The following GALNT13 variants were observed in gnomAD, a reference collection of about 807,000 sequenced individuals.
GALNT13 encodes UDP-GalNAc:polypeptide N-acetylgalactosaminyltransferase 13.
GALNT13 carries 28 observed loss-of-function variants against 64.2 expected under a neutral mutation model. The observed-to-expected ratio is 0.44, with a 90% confidence interval of 0.32 to 0.60. GALNT13 has a LOEUF of 0.60. GALNT13 is among the 20% of genes least tolerant of loss of function. The pLI is 0.05. For synonymous variants in GALNT13, 214 were observed against 224.6 expected, an observed-to-expected ratio of 0.95 and a Z score of 0.42; for missense variants, 577 against 669.8, an observed-to-expected ratio of 0.86 and a Z score of 1.53.
chr2:153,083,604 C>T, the GALNT13 span, among the ~76,000 whole-genome samples: 1 of 151,392 alleles, frequency 6.6e-6, no homozygotes, highest in Non-Finnish European at 1.5e-5. Flanking sequence ...TTTCATGCTG[C>T]TTTGTTTGAG....
chr2:154,411,444 A>C (rs1036027617), intron 11 of GALNT13, among the ~76,000 whole-genome samples: 1 of 151,742 alleles, frequency 6.6e-6, no homozygotes, highest in East Asian at 1.9e-4. Flanking sequence ...TAAATAAAGC[A>C]TGGTATACGC....
At chr2:153,266,813 C>A in the GALNT13 span, among the ~76,000 whole-genome samples, 1 of 152,306 alleles carries the variant, frequency 6.6e-6, no homozygotes, top group African/African-American at 2.4e-5. Context: ...CCAAATCTCA[C>A]ATCATTTTTA....
chr2:154,089,450 G>C (rs1014234852), intron 3 of GALNT13, among the ~76,000 whole-genome samples: 1 of 152,022 alleles, frequency 6.6e-6, no homozygotes, highest in Admixed American at 6.6e-5. Context: ...CTGGAGTAGA[G>C]CTTTCACCAT....
rs766669445 is a variant in GALNT13 at position 154,444,763 on chromosome 2, T to A, written c.1531-5648T>A. Among the ~76,000 whole-genome samples, 14 of 152,190 alleles carry A rather than the reference T, an allele frequency of 9.2e-5. No individual in the cohort carries two copies. In the South Asian group the frequency reaches 1.0e-3, roughly 11 times the overall value. ...TGAATATCAATATATTGATCAAATA[T>A]CTCTGAAATACAATATATTTTTGTT... On this transcript the variant is annotated intron_variant, in intron 12 of 12. Coordinates refer to ENST00000392825, the MANE Select transcript of GALNT13 (RefSeq NM_052917.4).
chr2:154,367,079 A>C (rs1697407358), intron 9 of GALNT13, among the ~76,000 whole-genome samples: 1 of 152,162 alleles, frequency 6.6e-6, no homozygotes, highest in African/African-American at 2.4e-5. Context: ...TTTTTAAAAA[A>C]AAATTGAAAT....
chr2:154,383,405 A>G (rs1698367005), intron 9 of GALNT13, among the ~76,000 whole-genome samples: 1 of 151,950 alleles, frequency 6.6e-6, no homozygotes, highest in African/African-American at 2.4e-5. Context: ...CTGAAAAAAA[A>G]ATTATATGCC....
At chr2:154,043,455 T>TACAC (rs1553470480) in intron 3 of GALNT13, among the ~76,000 whole-genome samples, 3,908 of 104,010 alleles carry the variant, frequency 0.038, 227 homozygotes, top group South Asian at 0.06. Context: ...TATATATATA[T>TACAC]ACACACATGT....
At chr2:153,745,148 C>A in the GALNT13 span, among the ~76,000 whole-genome samples, 479 of 152,134 alleles carry the variant, frequency 3.1e-3, 5 homozygotes, top group African/African-American at 0.011. Context: ...AAAGAGGACA[C>A]CAAACAGAAT....
At chr2:153,154,129 C>T in the GALNT13 span, among the ~76,000 whole-genome samples, 3 of 151,996 alleles carry the variant, frequency 2.0e-5, no homozygotes, top group African/African-American at 7.2e-5. Flanking sequence ...TATGGTTTGG[C>T]TGTGTCCTCA....
At chr2:154,106,682 T>G (rs946214099) in intron 3 of GALNT13, among the ~76,000 whole-genome samples, 19 of 151,944 alleles carry the variant, frequency 1.3e-4, no homozygotes, top group African/African-American at 4.3e-4. Flanking sequence ...TTCTTTAATG[T>G]TGTGTTCCTT....
chr2:153,094,375 A>G, the GALNT13 span, among the ~76,000 whole-genome samples: 1 of 152,170 alleles, frequency 6.6e-6, no homozygotes, highest in African/African-American at 2.4e-5. Context: ...CCACTGCTCA[A>G]TGAAATAAAA....
At chr2:154,087,353 C>T (rs141489617) in intron 3 of GALNT13, among the ~76,000 whole-genome samples, 59 of 151,940 alleles carry the variant, frequency 3.9e-4, no homozygotes, top group African/African-American at 1.1e-3. Context: ...GCACATTAAC[C>T]GAAGACATGT....
the GALNT13 span, among the ~76,000 whole-genome samples, chr2:153,719,434 G>A: frequency 0.14 from 21,507 of 152,102 alleles, 2,499 homozygotes; most frequent in African/African-American, 0.31. Context: ...GTCCCTTTGA[G>A]AAAAGCTAAT....
chr2:153,782,731 T>C, the GALNT13 span, among the ~76,000 whole-genome samples: 1 of 152,328 alleles, frequency 6.6e-6, no homozygotes, highest in South Asian at 2.1e-4. Flanking sequence ...CCCTTTCTCA[T>C]GGCTCTCAGA....
At chr2:153,287,218 C>A in the GALNT13 span, among the ~76,000 whole-genome samples, 3 of 152,150 alleles carry the variant, frequency 2.0e-5, no homozygotes, top group Admixed American at 2.0e-4. Flanking sequence ...TGCGCATACC[C>A]CTAGGGGAGC....
At chr2:153,259,086 G>A in the GALNT13 span, among the ~76,000 whole-genome samples, 1 of 152,056 alleles carries the variant, frequency 6.6e-6, no homozygotes, top group Non-Finnish European at 1.5e-5. Context: ...TCTCATATTT[G>A]CTTTATATAT....
the GALNT13 span, among the ~76,000 whole-genome samples, chr2:153,748,635 A>G: frequency 1.1e-4 from 16 of 152,120 alleles, no homozygotes; most frequent in Middle Eastern, 6.8e-3. Flanking sequence ...ATTTTTTTCT[A>G]TAGAGTTGTT....
chr2:153,667,652 T>C, the GALNT13 span, among the ~76,000 whole-genome samples: 1 of 152,138 alleles, frequency 6.6e-6, no homozygotes, highest in Non-Finnish European at 1.5e-5. Flanking sequence ...TGAAAGACCA[T>C]TACCAGCCAC....
At chr2:154,035,598 TAAAC>T (rs1410428374) in intron 3 of GALNT13, among the ~76,000 whole-genome samples, 1 of 152,064 alleles carries the variant, frequency 6.6e-6, no homozygotes, top group African/African-American at 2.4e-5. Context: ...TAAATACACT[TAAAC>T]AGTATGTTAG....
Sources: gnomAD v4.1 joint callset for allele counts (sites outside exome capture counted in the v4.1 genomes callset) on GRCh38, gnomAD v4.1.1 for gene constraint, MANE v1.5 for transcripts, NCBI Gene and HGNC (gene_info 2026-07-23, HGNC 2026-07-21) for gene names.